CSMD1: variants seen among roughly 807,000 people sequenced by gnomAD.
CSMD1 encodes CUB and sushi domain-containing protein 1.
In CSMD1, 213 loss-of-function variants were observed where a neutral mutation model predicts 417.5. That is an observed-to-expected ratio of 0.51 (90% confidence interval 0.46 to 0.57). CSMD1 has a LOEUF of 0.57. Ranked by LOEUF, CSMD1 falls within the 20% of genes least tolerant of loss-of-function variation. CSMD1 has a pLI of 0.00. For synonymous variants in CSMD1, 2,862 were observed against 1,736.8 expected, an observed-to-expected ratio of 1.65 and a Z score of -16.11; for missense variants, 6,923 against 4,529.7, an observed-to-expected ratio of 1.53 and a Z score of -15.17.
intron 26 of CSMD1, among the ~76,000 whole-genome samples, chr8:3,234,173 G>A (rs991006987): frequency 6.6e-6 from 1 of 152,140 alleles, no homozygotes; most frequent in African/African-American, 2.4e-5. Flanking sequence ...ATCAGGGCAG[G>A]GCTGGCTTCC....
chr8:4,514,887 AC>A (rs2130363691), intron 2 of CSMD1, among the ~76,000 whole-genome samples: 1 of 152,284 alleles, frequency 6.6e-6, no homozygotes, highest in Non-Finnish European at 1.5e-5. Context: ...CACACCAAAA[AC>A]AAAGATGGCT....
chr8:3,943,885 C>G (rs1411780997), intron 5 of CSMD1, among the ~76,000 whole-genome samples: 2 of 152,010 alleles, frequency 1.3e-5, no homozygotes, highest in African/African-American at 4.8e-5. Context: ...GACATGGCAG[C>G]TAAATGCAAC....
intron 18 of CSMD1, among the ~76,000 whole-genome samples, 200 bp downstream of exon 18, chr8:3,387,294 G>A (rs947745392): frequency 1.2e-4 from 19 of 152,160 alleles, no homozygotes; most frequent in African/African-American, 3.6e-4. Flanking sequence ...AAGGACAGTT[G>A]TTCTATCTAG....
chr8:4,666,406 G>A (rs917731866), intron 1 of CSMD1, among the ~76,000 whole-genome samples: 2 of 152,118 alleles, frequency 1.3e-5, no homozygotes, highest in Admixed American at 6.5e-5. Context: ...GACTCAATCA[G>A]CAACTACTGG....
At chr8:4,682,754 A>G (rs1158496818) in intron 1 of CSMD1, among the ~76,000 whole-genome samples, 1 of 151,538 alleles carries the variant, frequency 6.6e-6, no homozygotes, top group Non-Finnish European at 1.5e-5. Flanking sequence ...TTAGCTTGAA[A>G]AAATAGTTTA....
chr8:4,494,964 C>T (rs1051996846), intron 2 of CSMD1, among the ~76,000 whole-genome samples: 3 of 151,558 alleles, frequency 2.0e-5, no homozygotes, highest in African/African-American at 7.3e-5. Flanking sequence ...CAGAAAAAAA[C>T]AGTGGAGAAA....
intron 26 of CSMD1, among the ~76,000 whole-genome samples, chr8:3,275,256 C>T (rs1178235603): frequency 1.3e-5 from 2 of 152,128 alleles, no homozygotes; most frequent in African/African-American, 4.8e-5. Flanking sequence ...GAATATTGGC[C>T]ACCGCTCTCT....
At chr8:4,081,933 T>C (rs898033452) in intron 3 of CSMD1, among the ~76,000 whole-genome samples, 3 of 152,162 alleles carry the variant, frequency 2.0e-5, no homozygotes, top group African/African-American at 7.2e-5. Flanking sequence ...TAAATACTTA[T>C]ATTACACTCG....
At chr8:4,200,244 T>G (rs1187420320) in intron 3 of CSMD1, among the ~76,000 whole-genome samples, 1 of 152,202 alleles carries the variant, frequency 6.6e-6, no homozygotes, top group Non-Finnish European at 1.5e-5. Flanking sequence ...ACAATTCCTC[T>G]ATTCAATACA....
intron 1 of CSMD1, among the ~76,000 whole-genome samples, chr8:4,937,873 C>T (rs1472453990): frequency 6.6e-6 from 1 of 152,026 alleles, no homozygotes; most frequent in Non-Finnish European, 1.5e-5. Context: ...TATATATTAA[C>T]ATTACAATTT....
intron 23 of CSMD1, among the ~76,000 whole-genome samples, chr8:3,322,893 G>T (rs1255954410): frequency 1.3e-5 from 2 of 152,292 alleles, no homozygotes; most frequent in East Asian, 3.9e-4. Flanking sequence ...CTTAGGAAGT[G>T]CTGTGATTCC....
chr8:4,562,326 C>T (rs570173025), intron 2 of CSMD1, among the ~76,000 whole-genome samples: 1 of 152,074 alleles, frequency 6.6e-6, no homozygotes, highest in Non-Finnish European at 1.5e-5. Flanking sequence ...AGTGGGAGGC[C>T]CCCAAGAAAT....
At chr8:4,396,123 G>A (rs569915930) in intron 3 of CSMD1, among the ~76,000 whole-genome samples, 6 of 152,172 alleles carry the variant, frequency 3.9e-5, no homozygotes, top group Non-Finnish European at 2.9e-5. Flanking sequence ...TTTTACTACT[G>A]TAATGGGAAT....
At chr8:3,900,473 CTGTACCTGGTTGACAG>C (rs1448207178) in intron 5 of CSMD1, among the ~76,000 whole-genome samples, 2 of 150,148 alleles carry the variant, frequency 1.3e-5, no homozygotes, top group Non-Finnish European at 3.0e-5. Context: ...CTGGGTGACA[CTGTACCTGGTTGACAG>C]TGTAGCTGGG....
chr8:4,263,837 A>T (rs938194879), intron 3 of CSMD1, among the ~76,000 whole-genome samples: 25 of 152,210 alleles, frequency 1.6e-4, no homozygotes, highest in African/African-American at 5.8e-4. Context: ...AATTTTTGAT[A>T]GCACTCAAAA....
chr8:3,995,409 C>A (rs762683685), intron 5 of CSMD1, among the ~76,000 whole-genome samples: 1 of 152,200 alleles, frequency 6.6e-6, no homozygotes. Flanking sequence ...ACGACATATG[C>A]TAAATTGCTT....
chr8:3,540,247 T>C (rs1798381972), intron 10 of CSMD1, among the ~76,000 whole-genome samples: 1 of 152,196 alleles, frequency 6.6e-6, no homozygotes, highest in Non-Finnish European at 1.5e-5. Flanking sequence ...CACTTCCTGA[T>C]TCAACTTACT....
intron 3 of CSMD1, among the ~76,000 whole-genome samples, chr8:4,351,900 A>G (rs1258236261): frequency 2.0e-5 from 3 of 151,962 alleles, no homozygotes; most frequent in Non-Finnish European, 4.4e-5. Context: ...GCACTACAGA[A>G]ACCAAACTGT....
chr8:3,176,199 T>C (rs1820926190), intron 37 of CSMD1, among the ~76,000 whole-genome samples: 1 of 152,180 alleles, frequency 6.6e-6, no homozygotes, highest in Non-Finnish European at 1.5e-5. Context: ...TATTATTATA[T>C]ATTAAAATCA....
Sources: gnomAD v4.1 joint callset for allele counts (sites outside exome capture counted in the v4.1 genomes callset) on GRCh38, gnomAD v4.1.1 for gene constraint, MANE v1.5 for transcripts, NCBI Gene and HGNC (gene_info 2026-07-23, HGNC 2026-07-21) for gene names.